The following ISM1 variants were observed in gnomAD, a reference collection of about 807,000 sequenced individuals.
ISM1 encodes isthmin-1.
In ISM1, 25 loss-of-function variants were observed where a neutral mutation model predicts 46.3. The observed-to-expected ratio is 0.54, with a 90% confidence interval of 0.39 to 0.75. The LOEUF (loss-of-function observed/expected upper bound fraction) is 0.75, where lower values mean the gene tolerates loss of function less well. ISM1 is among the 30% of genes least tolerant of loss of function. The pLI, the probability that ISM1 is intolerant of heterozygous loss-of-function variation, is 0.00. For missense variants in ISM1, 536 were observed against 625.4 expected (o/e 0.86, Z 1.52); for synonymous variants, 255 against 256.7 (o/e 0.99, Z 0.06).
chr20:13,320,006 G>A, the ISM1 span, among the ~76,000 whole-genome samples: 1 of 152,228 alleles, frequency 6.6e-6, no homozygotes, highest in Non-Finnish European at 1.5e-5. Flanking sequence ...TTGGGGGCTG[G>A]AGAGTCTGCA....
chr20:13,271,333 C>T (rs1202627952), intron 2 of ISM1, among the ~76,000 whole-genome samples: 3 of 152,206 alleles, frequency 2.0e-5, no homozygotes, highest in Non-Finnish European at 4.4e-5. Flanking sequence ...AGAGAGATGA[C>T]TATCTTCCAC....
chr20:13,292,654 G>A (rs879436294), intron 5 of ISM1, among the ~76,000 whole-genome samples, 191 bp downstream of exon 5: 4 of 152,010 alleles, frequency 2.6e-5, no homozygotes, highest in African/African-American at 4.8e-5. Flanking sequence ...CTCCTCCACC[G>A]GACCGAGCGC....
In ISM1 at chr20:13,299,793, G is replaced by A. The variant is rs2040443083; in HGVS notation, c.*334G>A. Reference sequence around the variant, plus strand: ...CCCGGATCCAGAGTTTCAAAGAGAGGCAAAGGGGGAAAGAGACTGAGGTTG... The same window carrying A: ...CCCGGATCCAGAGTTTCAAAGAGAGACAAAGGGGGAAAGAGACTGAGGTTG... On this transcript the variant is annotated 3_prime_UTR_variant, in exon 6 of 6. Transcript: ENST00000262487. The surrounding 1 kb of genome is among the most constrained non-coding windows in gnomAD (Gnocchi z 5.8). The A allele has an allele frequency of 4.1e-6, 1 of 241,150 alleles. No homozygotes were observed. Among genetic ancestry groups the A allele is most frequent in the Non-Finnish European group, 8.1e-6 (1 of 122,816 alleles). The allele number at this position is 241,150 out of a possible 1,614,324, so 14.9% of individuals were successfully genotyped here.
intron 1 of ISM1, among the ~76,000 whole-genome samples, chr20:13,231,067 C>T (rs1160786243): frequency 2.0e-5 from 3 of 152,156 alleles, no homozygotes; most frequent in Non-Finnish European, 4.4e-5. Context: ...GGGGTCATCT[C>T]TCAAATAAAT....
the ISM1 span, among the ~76,000 whole-genome samples, chr20:13,306,564 C>CAAAAAAAAAAAAAAAAAA: frequency 1.7e-4 from 11 of 63,906 alleles, no homozygotes; most frequent in South Asian, 7.8e-4. Context: ...GGAGAAAGGA[C>CAAAAAAAAAAAAAAAAAA]AAAAAAAAAA....
At chr20:13,276,857 T>C (rs1191067681) in intron 2 of ISM1, among the ~76,000 whole-genome samples, 5 of 152,246 alleles carry the variant, frequency 3.3e-5, no homozygotes, top group Non-Finnish European at 7.3e-5. Context: ...ATTGGATGCC[T>C]ATGAAACCTC....
intron 1 of ISM1, among the ~76,000 whole-genome samples, chr20:13,265,556 G>A (rs1292048197): frequency 6.6e-6 from 1 of 152,088 alleles, no homozygotes; most frequent in East Asian, 1.9e-4. Context: ...CTTGCTTCTT[G>A]TTGCAGGAAA....
Position 13,239,014 on chromosome 20 carries a change from G to T in ISM1, c.138+17100G>T, listed in dbSNP as rs984865756. ...GAGACAACTGAGAGCTCCTTACTGA[G>T]AGTGTGAAGTGTGATGGTGGCACAA... is the stretch of plus-strand genomic sequence containing the variant. On this transcript the variant is annotated intron_variant, in intron 1 of 5. Coordinates refer to ENST00000262487, the MANE Select transcript of ISM1 (RefSeq NM_080826.2). The T allele has an allele frequency of 4.6e-5, 7 of 152,350 alleles. No individual in the cohort carries two copies. In the East Asian group the frequency reaches 5.8e-4, roughly 13 times the overall value. 9.4% of individuals were successfully genotyped at this position (152,350 alleles called of 1,614,324 possible).
chr20:13,283,660 T>A (rs2123293362), intron 3 of ISM1, among the ~76,000 whole-genome samples: 1 of 152,160 alleles, frequency 6.6e-6, no homozygotes. Flanking sequence ...TCTGTGTAGA[T>A]ACTTGGGGTA....
Position 13,288,600 on chromosome 20 carries a change from A to G in ISM1, c.704A>G (p.Asn235Ser). ...TCTGTCTGCAGCGTCACCTGCGGGAACGGCAACCAGAAACGGACCCGGTCT... is the reference window on the plus strand; with the variant it reads ...TCTGTCTGCAGCGTCACCTGCGGGAGCGGCAACCAGAAACGGACCCGGTCT... Reference protein sequence around the residue: ...LWSVCSVTCGNGNQKRTRSCG... With the variant: ...LWSVCSVTCGSGNQKRTRSCG... The change falls in exon 4 of 6, where the codon AAC (asparagine) becomes AGC (serine). Residue 235 changes from asparagine to serine, a missense_variant. Coordinates refer to ENST00000262487, the MANE Select transcript of ISM1 (RefSeq NM_080826.2). 6.2e-7 allele frequency: 1 copy of G among 1,613,938 alleles called. No homozygotes were observed. The highest frequency in any genetic ancestry group is 8.5e-7 in the Non-Finnish European group (1 of 1,179,856).
intron 1 of ISM1, among the ~76,000 whole-genome samples, chr20:13,240,476 C>CTT (rs2123162537): frequency 6.6e-6 from 1 of 152,218 alleles, no homozygotes; most frequent in South Asian, 2.1e-4. Context: ...ATCACAAACA[C>CTT]CAAAGCCTTG....
At chr20:13,324,031 A>G in the ISM1 span, among the ~76,000 whole-genome samples, 27 of 152,192 alleles carry the variant, frequency 1.8e-4, no homozygotes, top group Non-Finnish European at 1.5e-5. Context: ...AAGGACAACA[A>G]CTTGCAGTGG....
At chr20:13,315,337 G>A in the ISM1 span, among the ~76,000 whole-genome samples, 1 of 151,970 alleles carries the variant, frequency 6.6e-6, no homozygotes, top group African/African-American at 2.4e-5. Context: ...AGAAAGGTAA[G>A]TGTTTGCAGA....
intron 1 of ISM1, among the ~76,000 whole-genome samples, chr20:13,232,988 T>C (rs2039605574): frequency 6.6e-6 from 1 of 151,296 alleles, no homozygotes; most frequent in African/African-American, 2.4e-5. Context: ...GTGACCATCA[T>C]GGTGGGGGTT....
chr20:13,281,363 T>C (rs1157207475), intron 3 of ISM1, among the ~76,000 whole-genome samples: 4 of 152,196 alleles, frequency 2.6e-5, no homozygotes, highest in African/African-American at 9.7e-5. Context: ...AACCTTCACC[T>C]TTCCCAAAGG....
Position 13,275,667 on chromosome 20 carries a change from G to A in ISM1, c.379-3967G>A, listed in dbSNP as rs945771231. Among the ~76,000 whole-genome samples, 3 of 152,208 alleles carry A rather than the reference G, an allele frequency of 2.0e-5. No individual in the cohort carries two copies. The East Asian group carries it at 5.8e-4, about 29-fold the overall frequency. On this transcript the variant is annotated intron_variant, in intron 2 of 5. Coordinates refer to ENST00000262487, the MANE Select transcript of ISM1 (RefSeq NM_080826.2). ...ATGTAGTATAATACTATATATAAGT[G>A]TGATTATCTGTGAGGATTCAATGAG...
At chr20:13,326,595 T>G in the ISM1 span, among the ~76,000 whole-genome samples, 1 of 152,180 alleles carries the variant, frequency 6.6e-6, no homozygotes, top group Non-Finnish European at 1.5e-5. Context: ...GTTAGTTTGA[T>G]TTCCTTAGCG....
At chr20:13,255,911 G>A (rs2039923303) in intron 1 of ISM1, among the ~76,000 whole-genome samples, 1 of 138,576 alleles carries the variant, frequency 7.2e-6, no homozygotes, top group South Asian at 2.4e-4. Context: ...AGGATATTTA[G>A]TAAAGTTCCT....
At chr20:13,224,398 C>T (rs566593933) in intron 1 of ISM1, among the ~76,000 whole-genome samples, 62 of 152,278 alleles carry the variant, frequency 4.1e-4, no homozygotes, top group Non-Finnish European at 7.5e-4. Context: ...TTTCAGGCCC[C>T]AGAAAGTGAA....
Sources: allele counts gnomAD v4.1 joint callset (sites outside exome capture counted in the v4.1 genomes callset), GRCh38; gene constraint gnomAD v4.1.1; non-coding constraint Gnocchi (gnomAD v3.1); transcripts MANE v1.5; gene names NCBI Gene and HGNC (gene_info 2026-07-23, HGNC 2026-07-21).